MAST4: variants seen among roughly 807,000 people sequenced by gnomAD.
MAST4 encodes microtubule associated serine/threonine kinase family member 4, also known as microtubule-associated serine/threonine-protein kinase 4.
In MAST4, 89 loss-of-function variants were observed where a neutral mutation model predicts 162.7. The observed-to-expected ratio is 0.55, with a 90% CI of 0.46 to 0.65. MAST4 has a LOEUF of 0.65. Among genes scored for constraint, MAST4 ranks in the 30% least tolerant of loss-of-function variants. The pLI is 0.00. For synonymous variants in MAST4, 1,479 were observed against 1,361.1 expected, an observed-to-expected ratio of 1.09 and a Z score of -1.91; for missense variants, 3,153 against 3,374.0, an observed-to-expected ratio of 0.93 and a Z score of 1.62.
In MAST4 at chr5:67,090,186, G is replaced by T; in HGVS notation, c.788G>T (p.Arg263Ile). The T allele has an allele frequency of 6.2e-7, 1 of 1,612,788 alleles. No homozygotes were observed. The highest frequency in any genetic ancestry group is 8.5e-7 in the Non-Finnish European group (1 of 1,179,224). ...GGAAATAGCCCTCAAGATAGTCCAA[G>T]AAATTTCTCCCCCAGTGCCTCAGCC... ...HAGNSPQDSP[R>I]NFSPSASAHF... The change falls in exon 6 of 29, where the codon AGA (arginine) becomes ATA (isoleucine). Residue 263 changes from arginine to isoleucine, a missense_variant. Arg to Ile is a moderately conservative substitution (Grantham distance 97, BLOSUM62 -3). Coordinates refer to ENST00000403625, the MANE Select transcript of MAST4 (RefSeq NM_001164664.2).
intron 3 of MAST4, among the ~76,000 whole-genome samples, chr5:66,812,567 A>G (rs1284374406): frequency 6.6e-6 from 1 of 152,228 alleles, no homozygotes; most frequent in Non-Finnish European, 1.5e-5. Flanking sequence ...AGAAACATTA[A>G]TAGCGTAATC....
At position 66,596,801 on chromosome 5, in the gene MAST4, C is replaced by T; in HGVS notation, c.146C>T (p.Ser49Leu). The change falls in exon 1 of 29, where the codon TCG (serine) becomes TTG (leucine). Residue 49 changes from serine (S) to leucine (L), a missense_variant. By Grantham distance (145) the Ser-to-Leu change is moderately radical. Around this residue, in one of 7 missense-constraint regions of MAST4, gnomAD observed 327 missense variants for 336.5 expected, o/e 0.97. Transcript: ENST00000403625. Reference sequence around the variant, plus strand: ...TCCTCCTCGGGCTCAGAAACTCTGTCGGAGGAAGGGGAGCCCGGCGGCTTC... The same window carrying T: ...TCCTCCTCGGGCTCAGAAACTCTGTTGGAGGAAGGGGAGCCCGGCGGCTTC... ...AESSSGSETL[S>L]EEGEPGGFSR... 1 of 1,316,038 alleles carries T rather than the reference C, an allele frequency of 7.6e-7. No individual in the cohort carries two copies. The highest frequency in any genetic ancestry group is 9.7e-7 in the Non-Finnish European group (1 of 1,028,120). The allele number at this position is 1,316,038 out of a possible 1,614,324, so 81.5% of individuals were successfully genotyped here.
chr5:66,716,505 C>G (rs568363499), intron 1 of MAST4, among the ~76,000 whole-genome samples: 2 of 151,810 alleles, frequency 1.3e-5, no homozygotes, highest in South Asian at 4.2e-4. Context: ...ATCACCGTGC[C>G]CAGCTAATTA....
intron 4 of MAST4, among the ~76,000 whole-genome samples, chr5:66,953,968 T>C (rs1009616230): frequency 2.0e-5 from 3 of 152,130 alleles, no homozygotes; most frequent in Non-Finnish European, 4.4e-5. Flanking sequence ...ACCACTACTC[T>C]AGAGAATGCA....
At chr5:66,675,020 C>A (rs964791681) in intron 1 of MAST4, among the ~76,000 whole-genome samples, 2 of 152,184 alleles carry the variant, frequency 1.3e-5, no homozygotes, top group Non-Finnish European at 2.9e-5. Flanking sequence ...AAGGCTGCCA[C>A]AGTGCCCCTG....
chr5:67,116,204 G>GT (rs1554100786), intron 12 of MAST4, among the ~76,000 whole-genome samples: 5 of 150,520 alleles, frequency 3.3e-5, no homozygotes, highest in Admixed American at 1.3e-4. Flanking sequence ...TTGTTTGTTT[G>GT]TTTGTTTTGT....
chr5:67,121,097 C>T lies in MAST4; in HGVS notation c.1740C>T (p.Ala580=). Residue 580 remains alanine, a synonymous_variant, in exon 14 of 29, where the codon GCC becomes GCT. Coordinates refer to ENST00000403625, the MANE Select transcript of MAST4 (RefSeq NM_001164664.2). ...FETIKLISNG[A]YGAVYFVRHK... Reference sequence around the variant, plus strand: ...CGATTAAATTGATTAGCAATGGAGCCTATGGGTGAGTAATTCAAGAAAAGC... The same window carrying T: ...CGATTAAATTGATTAGCAATGGAGCTTATGGGTGAGTAATTCAAGAAAAGC... 1 of 1,601,716 alleles carries T rather than the reference C, an allele frequency of 6.2e-7. No individual in the cohort carries two copies. Among genetic ancestry groups the T allele is most frequent in the East Asian group, 2.2e-5 (1 of 44,666 alleles).
chr5:66,820,783 T>A (rs552633453), intron 3 of MAST4, among the ~76,000 whole-genome samples: 1 of 152,328 alleles, frequency 6.6e-6, no homozygotes, highest in African/African-American at 2.4e-5. Context: ...ATGTATGTGA[T>A]TTATATTTTA....
At position 67,149,498 on chromosome 5, in the gene MAST4, G is replaced by A. The variant is rs774942035; in HGVS notation, c.3204G>A (p.Arg1068=). The stretch of plus-strand genomic sequence containing the variant: ...GTGAACCCGCTTCTCACATGGCTCG[G>A]CAGCGATTAGAAAGCACAGAAAAAA... ...PSSEPASHMA[R]QRLESTEKKK... The change falls in exon 24 of 29, where the codon CGG becomes CGA. Residue 1068 remains arginine, a synonymous_variant. Transcript: ENST00000403625. The A allele has an allele frequency of 1.2e-5, 20 of 1,613,618 alleles. No homozygotes were observed. Among genetic ancestry groups the A allele is most frequent in the Non-Finnish European group, 1.7e-5 (20 of 1,179,840 alleles).
intron 2 of MAST4, among the ~76,000 whole-genome samples, chr5:66,784,978 C>T (rs1257261970): frequency 1.3e-5 from 2 of 152,210 alleles, no homozygotes; most frequent in African/African-American, 4.8e-5. Context: ...CTTTGGGAGG[C>T]TTAGGCGGGT....
At chr5:67,061,540 T>C (rs13183154) in intron 5 of MAST4, among the ~76,000 whole-genome samples, 30,146 of 151,370 alleles carry the variant, frequency 0.2, 3,543 homozygotes, top group African/African-American at 0.32. Context: ...ATAGAAGTTA[T>C]TATTTTTCAT....
intron 1 of MAST4, among the ~76,000 whole-genome samples, chr5:66,628,587 T>A (rs966740787): frequency 1.3e-5 from 2 of 152,062 alleles, no homozygotes; most frequent in Non-Finnish European, 2.9e-5. Flanking sequence ...TATTATTATT[T>A]TTTTTACCTT....
At chr5:66,986,349 T>C in intron 4 of MAST4, 1 of 822,186 alleles carries the variant, frequency 1.2e-6, no homozygotes. Context: ...TGGATCCATA[T>C]GTTGTTACAC....
At chr5:67,005,898 G>T (rs1751966851) in intron 4 of MAST4, among the ~76,000 whole-genome samples, 1 of 152,182 alleles carries the variant, frequency 6.6e-6, no homozygotes, top group Non-Finnish European at 1.5e-5. Flanking sequence ...AACTTGCCTT[G>T]CATGTACATG....
chr5:66,751,813 G>A lies in MAST4; in HGVS notation c.364-7896G>A, dbSNP rs544308194. 1.6e-3 allele frequency among the ~76,000 whole-genome samples: 244 copies of A among 148,838 alleles called. 2 individuals carry two copies. Among genetic ancestry groups the A allele is most frequent in the African/African-American group, 5.2e-3 (208 of 39,864 alleles). ...AGAGAACGCCACAAAGATACTCCTC[G>A]AGAAGAGCAACTCCAAGACACATAA... On this transcript the variant is annotated intron_variant, in intron 1 of 28. Transcript: ENST00000403625.
chr5:66,746,949 C>A (rs892452173), intron 1 of MAST4, among the ~76,000 whole-genome samples: 1 of 151,650 alleles, frequency 6.6e-6, no homozygotes, highest in Non-Finnish European at 1.5e-5. Flanking sequence ...TAAAATGATA[C>A]TAGCTTTATT....
intron 1 of MAST4, among the ~76,000 whole-genome samples, chr5:66,612,764 AAAG>A (rs1467247000): frequency 2.0e-5 from 3 of 152,200 alleles, no homozygotes; most frequent in African/African-American, 7.2e-5. Context: ...TAAGCATTGG[AAAG>A]AAGAAAAAGA....
At chr5:66,766,978 C>T (rs1488531720) in intron 2 of MAST4, among the ~76,000 whole-genome samples, 5 of 152,128 alleles carry the variant, frequency 3.3e-5, no homozygotes, top group Admixed American at 3.3e-4. Context: ...GACTCAGGGA[C>T]CCACATTCCA....
chr5:66,618,416 TG>T (rs1743859396), intron 1 of MAST4, among the ~76,000 whole-genome samples: 1 of 152,210 alleles, frequency 6.6e-6, no homozygotes, highest in South Asian at 2.1e-4. Context: ...TCTCCCTCAG[TG>T]TAACAAAGGA....
Sources: gnomAD v4.1 joint callset for allele counts (sites outside exome capture counted in the v4.1 genomes callset) on GRCh38, gnomAD v4.1.1 for gene constraint, gnomAD v4.1.1 regional missense constraint, MANE v1.5 for transcripts, NCBI Gene and HGNC (gene_info 2026-07-23, HGNC 2026-07-21) for gene names.